The following CTNND2 variants were observed in gnomAD, a reference collection of about 807,000 sequenced individuals.
CTNND2 encodes the protein catenin delta 2, also known as catenin delta-2.
CTNND2 carries 22 observed loss-of-function variants against 144.4 expected under a neutral mutation model. The observed-to-expected ratio is 0.15, with a 90% CI of 0.11 to 0.22. The LOEUF (loss-of-function observed/expected upper bound fraction) is 0.22, where lower values mean the gene tolerates loss of function less well. CTNND2 is among the 10% of genes least tolerant of loss of function. The pLI, the probability that CTNND2 is intolerant of heterozygous loss-of-function variation, is 1.00. For missense variants in CTNND2, 1,353 were observed against 1,618.8 expected (o/e 0.84, Z 2.82); for synonymous variants, 751 against 695.6 (o/e 1.08, Z -1.25).
intron 9 of CTNND2, among the ~76,000 whole-genome samples, chr5:11,295,753 A>G (rs576650890): frequency 6.6e-6 from 1 of 152,320 alleles, no homozygotes; most frequent in East Asian, 1.9e-4. Flanking sequence ...TATTTAATAA[A>G]CTGTGCTGGG....
rs377674006 is a variant in CTNND2, at chr5:11,497,349, G to A, written c.287+67595C>T. 7.2e-5 allele frequency among the ~76,000 whole-genome samples: 11 copies of A among 151,924 alleles called. No individual in the cohort carries two copies. In the East Asian group the frequency reaches 7.8e-4, roughly 11 times the overall value. ...GATGTAATCTACCCACATAAAGAAC[G>A]ATGCAAATAGAAATTATGATGGGTG... On this transcript the variant is annotated intron_variant, in intron 3 of 21. Transcript: ENST00000304623.
At chr5:11,332,974 C>T (rs1753332871) in intron 9 of CTNND2, among the ~76,000 whole-genome samples, 1 of 152,222 alleles carries the variant, frequency 6.6e-6, no homozygotes, top group African/African-American at 2.4e-5. Context: ...GAGGCCTCCC[C>T]AGCCACGTGG....
chr5:11,100,367 A>G (rs2149668895), intron 14 of CTNND2, among the ~76,000 whole-genome samples: 1 of 152,294 alleles, frequency 6.6e-6, no homozygotes, highest in Admixed American at 6.5e-5. Context: ...GCCACTTCCT[A>G]ACTATTCAAA....
At chr5:11,103,360 C>T (rs1004640269) in intron 14 of CTNND2, among the ~76,000 whole-genome samples, 5 of 151,946 alleles carry the variant, frequency 3.3e-5, no homozygotes, top group African/African-American at 9.7e-5. Context: ...AAGAGAAAGA[C>T]GTAACTTAGG....
intron 3 of CTNND2, among the ~76,000 whole-genome samples, chr5:11,525,222 T>C (rs1200800504): frequency 6.6e-6 from 1 of 152,124 alleles, no homozygotes; most frequent in Non-Finnish European, 1.5e-5. Flanking sequence ...TTTTTCATCC[T>C]TAGCCCAACT....
At chr5:11,662,610 T>A (rs1210456716) in intron 2 of CTNND2, among the ~76,000 whole-genome samples, 2 of 152,110 alleles carry the variant, frequency 1.3e-5, no homozygotes, top group Non-Finnish European at 2.9e-5. Flanking sequence ...AATGTTAATC[T>A]CCTTCGGCAA....
intron 2 of CTNND2, among the ~76,000 whole-genome samples, chr5:11,675,016 C>A (rs1259123563): frequency 2.6e-5 from 4 of 152,074 alleles, no homozygotes; most frequent in African/African-American, 9.7e-5. Context: ...TATATTCTTT[C>A]CAATGGGGTT....
At chr5:11,304,318 C>CCACACACACACA (rs111918321) in intron 9 of CTNND2, among the ~76,000 whole-genome samples, 3 of 148,298 alleles carry the variant, frequency 2.0e-5, no homozygotes, top group Admixed American at 6.7e-5. Flanking sequence ...CACGGACACA[C>CCACACACACACA]CACACACACA....
intron 16 of CTNND2, among the ~76,000 whole-genome samples, chr5:11,061,695 A>G (rs1261664143): frequency 6.6e-6 from 1 of 151,706 alleles, no homozygotes; most frequent in African/African-American, 2.4e-5. Flanking sequence ...TGAAGTGGAA[A>G]GTAGATATTG....
At chr5:11,831,468 A>G (rs1793897312) in intron 1 of CTNND2, among the ~76,000 whole-genome samples, 1 of 152,160 alleles carries the variant, frequency 6.6e-6, no homozygotes, top group East Asian at 1.9e-4. Context: ...GGAGATCGAG[A>G]CCATCCTGGC....
At chr5:11,421,286 CT>C (rs1762341038) in intron 3 of CTNND2, among the ~76,000 whole-genome samples, 1 of 152,164 alleles carries the variant, frequency 6.6e-6, no homozygotes, top group African/African-American at 2.4e-5. Context: ...TATTCTTCCC[CT>C]TGCTTTTCAT....
chr5:11,782,289 G>A (rs771934654), intron 1 of CTNND2, among the ~76,000 whole-genome samples: 1 of 152,052 alleles, frequency 6.6e-6, no homozygotes, highest in Non-Finnish European at 1.5e-5. Flanking sequence ...CAAGAGACAC[G>A]ATGCAATTGG....
At chr5:11,728,358 A>C (rs1787138576) in intron 2 of CTNND2, among the ~76,000 whole-genome samples, 1 of 151,694 alleles carries the variant, frequency 6.6e-6, no homozygotes, top group African/African-American at 2.4e-5. Flanking sequence ...AATCCCAGCT[A>C]TTCAGGAGGC....
intron 18 of CTNND2, among the ~76,000 whole-genome samples, chr5:11,003,245 G>A (rs191361397): frequency 1.5e-3 from 231 of 152,220 alleles, no homozygotes; most frequent in Non-Finnish European, 2.7e-3. Flanking sequence ...TGGGCTTTTA[G>A]TAACCCAAGC....
chr5:11,701,173 T>C (rs1350158005), intron 2 of CTNND2, among the ~76,000 whole-genome samples: 6 of 152,208 alleles, frequency 3.9e-5, no homozygotes, highest in African/African-American at 9.6e-5. Flanking sequence ...TCCTCTTTAC[T>C]TGAGGACATA....
intron 2 of CTNND2, among the ~76,000 whole-genome samples, chr5:11,688,921 G>C (rs1581723784): frequency 6.6e-6 from 1 of 152,206 alleles, no homozygotes; most frequent in Non-Finnish European, 1.5e-5. Flanking sequence ...ACTGATCACA[G>C]ACGGAGTTGC....
Position 11,364,707 on chromosome 5 carries a change from C to T in CTNND2, c.1361G>A (p.Arg454His), listed in dbSNP as rs750266236. The change falls in exon 8 of 22, where the codon CGC becomes CAC. Residue 454 changes from arginine to histidine, a missense_variant. By Grantham distance (29) the Arg-to-His change is conservative. Coordinates refer to ENST00000304623, the MANE Select transcript of CTNND2 (RefSeq NM_001332.4). The part of the protein sequence containing the change: ...PLPPAHTGTY[R>H]TSTAPSSPGV... ...TCCTGATTACACACCTGTGCTCGTGCGGTAGGTGCCGGTGTGTGCTGGCGG... is the reference window on the plus strand; with the variant it reads ...TCCTGATTACACACCTGTGCTCGTGTGGTAGGTGCCGGTGTGTGCTGGCGG... 1.3e-5 allele frequency: 21 copies of T among 1,612,064 alleles called. No individual in the cohort carries two copies. The highest frequency in any genetic ancestry group is 3.4e-5 in the Admixed American group (2 of 59,594).
chr5:11,561,182 C>T (rs545491481), intron 3 of CTNND2, among the ~76,000 whole-genome samples: 1 of 152,168 alleles, frequency 6.6e-6, no homozygotes, highest in South Asian at 2.1e-4. Context: ...TGATTATCAT[C>T]TTAAATAAAG....
chr5:11,448,095 G>C (rs559094523), intron 3 of CTNND2, among the ~76,000 whole-genome samples: 40 of 152,264 alleles, frequency 2.6e-4, no homozygotes, highest in African/African-American at 8.4e-4. Context: ...ATGAGTGGGT[G>C]TGCAGATTCA....
Sources: gnomAD v4.1 joint callset for allele counts (sites outside exome capture counted in the v4.1 genomes callset) on GRCh38, gnomAD v4.1.1 for gene constraint, MANE v1.5 for transcripts, NCBI Gene and HGNC (gene_info 2026-07-23, HGNC 2026-07-21) for gene names.